The following GLI2 variants were observed in gnomAD, a reference collection of about 807,000 sequenced individuals.
The protein encoded by GLI2 is GLI family zinc finger 2, also known as transcription activator GLI2.
In GLI2, 22 loss-of-function variants were observed where a neutral mutation model predicts 78.9. The ratio of observed to expected loss-of-function variants is 0.28; its 90% confidence interval spans 0.20 to 0.40. The LOEUF (loss-of-function observed/expected upper bound fraction) is 0.40, where lower values mean the gene tolerates loss of function less well. GLI2 is among the 10% of genes least tolerant of loss of function. GLI2 has a pLI of 1.00. For missense variants in GLI2, 2,097 were observed against 2,213.2 expected (o/e 0.95, Z 1.05); for synonymous variants, 974 against 963.7 (o/e 1.01, Z -0.20).
intron 8 of GLI2, 48 bp downstream of exon 8, chr2:120,972,111 T>C: frequency 1.2e-6 from 2 of 1,607,082 alleles, no homozygotes; most frequent in Non-Finnish European, 1.7e-6. Flanking sequence ...GGACCAGGCT[T>C]GTGGGCTGCC....
intron 1 of GLI2, among the ~76,000 whole-genome samples, chr2:120,770,256 TC>T (rs2104656251): frequency 6.6e-6 from 1 of 152,194 alleles, no homozygotes; most frequent in South Asian, 2.1e-4. Context: ...ACCCCCAGCC[TC>T]CTCCTGTCCA....
chr2:120,856,862 G>A (rs1687668474), intron 2 of GLI2, among the ~76,000 whole-genome samples: 1 of 116,006 alleles, frequency 8.6e-6, no homozygotes, highest in South Asian at 2.5e-4. Context: ...TGGGCCTTTG[G>A]TGTGCCTGGC....
Position 120,737,823 on chromosome 2 carries a change from C to T in GLI2, c.-31+1538C>T, listed in dbSNP as rs1682415314. Among the ~76,000 whole-genome samples the T allele has an allele frequency of 6.6e-6, 1 of 152,238 alleles. No homozygotes were observed. On this transcript the variant is annotated intron_variant, in intron 1 of 13. Coordinates refer to ENST00000361492, the MANE Select transcript of GLI2 (RefSeq NM_001374353.1). This position sits in a 1 kb window ranked among gnomAD's most constrained non-coding sequence, Gnocchi z 4.3. Reference sequence around the variant, plus strand: ...TAAACAAATATTGTATTGGCATGCTCAGGGGGCTCGGTGCCAAAAAGTAAA... The same window carrying T: ...TAAACAAATATTGTATTGGCATGCTTAGGGGGCTCGGTGCCAAAAAGTAAA...
At chr2:120,799,001 G>A (rs79972721) in intron 2 of GLI2, among the ~76,000 whole-genome samples, 2,076 of 152,324 alleles carry the variant, frequency 0.014, 49 homozygotes, top group African/African-American at 0.048. Flanking sequence ...CAAGCCATGA[G>A]TGGATCATGA....
chr2:120,771,320 T>C (rs1297810839), intron 1 of GLI2, among the ~76,000 whole-genome samples: 1 of 152,238 alleles, frequency 6.6e-6, no homozygotes, highest in East Asian at 1.9e-4. Context: ...AGAGCTATGC[T>C]GTGCGATTGG....
intron 2 of GLI2, among the ~76,000 whole-genome samples, chr2:120,840,413 C>T (rs745322705): frequency 9.2e-5 from 14 of 152,256 alleles, no homozygotes; most frequent in South Asian, 2.1e-4. Flanking sequence ...TGTGCATGCA[C>T]GCGTGTGCAT....
chr2:120,881,155 C>T (rs75081674), intron 2 of GLI2, among the ~76,000 whole-genome samples: 6,716 of 152,302 alleles, frequency 0.044, 490 homozygotes, highest in African/African-American at 0.15. Context: ...TTCAATGTGA[C>T]GCTTTCAAGA....
At chr2:120,932,533 G>C (rs909100886) in intron 3 of GLI2, among the ~76,000 whole-genome samples, 1 of 152,156 alleles carries the variant, frequency 6.6e-6, no homozygotes, top group African/African-American at 2.4e-5. Context: ...TTCTCAGCCT[G>C]CCAGGCTACC....
chr2:120,816,191 G>C (rs921055166), intron 2 of GLI2, among the ~76,000 whole-genome samples: 1 of 120,590 alleles, frequency 8.3e-6, no homozygotes, highest in Non-Finnish European at 1.7e-5. Flanking sequence ...ACCCCAAAGA[G>C]CTTTTTTTTT....
At chr2:120,929,956 A>C (rs1679871044) in intron 3 of GLI2, among the ~76,000 whole-genome samples, 1 of 152,226 alleles carries the variant, frequency 6.6e-6, no homozygotes, top group Admixed American at 6.5e-5. Flanking sequence ...CAGGGAGCTC[A>C]GTCCCTATTT....
intron 2 of GLI2, among the ~76,000 whole-genome samples, chr2:120,826,881 C>T (rs56268632): frequency 3.5e-4 from 53 of 152,290 alleles, no homozygotes; most frequent in African/African-American, 1.3e-3. Context: ...TCTGTCTCCC[C>T]TTCAAATGCT....
chr2:120,991,960 T>C lies in GLI2; in HGVS notation c.*1285T>C, dbSNP rs1337769584. 1 of 150,582 alleles carries C rather than the reference T, an allele frequency of 6.6e-6. No individual in the cohort carries two copies. The highest frequency in any genetic ancestry group is 1.5e-5 in the Non-Finnish European group (1 of 68,042). The allele number at this position is 150,582 out of a possible 1,614,324, so 9.3% of individuals were successfully genotyped here. ...AATTTGGAACTGGCTTCAGGAGACA[T>C]CATTCCTGAACACACTGTAGGGTGA... On this transcript the variant is annotated 3_prime_UTR_variant, in exon 14 of 14. Transcript: ENST00000361492.
intron 2 of GLI2, among the ~76,000 whole-genome samples, chr2:120,841,625 T>A (rs941948540): frequency 2.0e-5 from 3 of 152,252 alleles, no homozygotes; most frequent in African/African-American, 7.2e-5. Flanking sequence ...GGGTCTTCTG[T>A]GTGCCCAGCA....
intron 1 of GLI2, among the ~76,000 whole-genome samples, chr2:120,784,326 G>A (rs939042206): frequency 6.6e-6 from 1 of 152,246 alleles, no homozygotes; most frequent in Admixed American, 6.5e-5. Context: ...GGAGGGCTGG[G>A]ACACGTGTGC....
intron 2 of GLI2, among the ~76,000 whole-genome samples, chr2:120,855,014 G>C (rs1315085568): frequency 6.6e-6 from 1 of 152,238 alleles, no homozygotes; most frequent in African/African-American, 2.4e-5. Context: ...CACAGAGCAG[G>C]CTCCCCTCGA....
At chr2:120,784,668 C>T (rs1044018508) in intron 1 of GLI2, among the ~76,000 whole-genome samples, 5 of 152,266 alleles carry the variant, frequency 3.3e-5, no homozygotes, top group South Asian at 4.1e-4. Context: ...TGCCCTGCCT[C>T]CTGCTCGCCC....
chr2:120,780,397 T>C (rs958275778), intron 1 of GLI2, among the ~76,000 whole-genome samples: 2 of 152,064 alleles, frequency 1.3e-5, no homozygotes, highest in Non-Finnish European at 2.9e-5. Flanking sequence ...ATAGGGACCC[T>C]TGCCCAGTGT....
intron 2 of GLI2, among the ~76,000 whole-genome samples, chr2:120,923,075 C>T (rs72955381): frequency 6.6e-6 from 1 of 151,826 alleles, no homozygotes; most frequent in Non-Finnish European, 1.5e-5. Flanking sequence ...ATGGCACACA[C>T]ACACACATAT....
At chr2:120,848,775 C>T (rs1469660805) in intron 2 of GLI2, among the ~76,000 whole-genome samples, 1 of 152,132 alleles carries the variant, frequency 6.6e-6, no homozygotes, top group Non-Finnish European at 1.5e-5. Flanking sequence ...TGTGGAGAGG[C>T]CTAGAAGCTC....
Sources: gnomAD v4.1 joint callset for allele counts (sites outside exome capture counted in the v4.1 genomes callset) on GRCh38, gnomAD v4.1.1 for gene constraint, Gnocchi (gnomAD v3.1) non-coding constraint, MANE v1.5 for transcripts, NCBI Gene and HGNC (gene_info 2026-07-23, HGNC 2026-07-21) for gene names.